The following ANKRD30B variants were observed in gnomAD, a reference collection of about 807,000 sequenced individuals.
ANKRD30B encodes the protein ankyrin repeat domain 30B.
Under a neutral mutation model 202.2 loss-of-function variants are expected in ANKRD30B, and 144 were observed. The observed-to-expected ratio is 0.71, with a 90% confidence interval of 0.62 to 0.82. The LOEUF (loss-of-function observed/expected upper bound fraction) is 0.82. Ranked by LOEUF, ANKRD30B falls within the 40% of genes least tolerant of loss-of-function variation. The pLI is 0.00. For synonymous variants in ANKRD30B, 508 were observed against 561.3 expected (o/e 0.91, Z 1.34); for missense variants, 1,487 against 1,669.1 (o/e 0.89, Z 1.90).
rs771310688 is a variant in ANKRD30B at position 14,822,525 on chromosome 18, T to A, written c.2670+14T>A. On this transcript the variant is annotated intron_variant, in intron 31 of 43. Transcript: ENST00000690538. ...GGTCTTCTGAAGGTAATAACTTTTA[T>A]ATTTTTATCTTGAATATTAACTACT... 5 of 1,298,690 alleles carry A rather than the reference T, an allele frequency of 3.9e-6. No homozygotes were observed. In the African/African-American group the frequency reaches 5.8e-5, roughly 15 times the overall value. 80.4% of individuals were successfully genotyped at this position (1,298,690 alleles called of 1,614,324 possible).
At chr18:14,898,948 A>T in the ANKRD30B span, among the ~76,000 whole-genome samples, 1 of 152,134 alleles carries the variant, frequency 6.6e-6, no homozygotes, top group African/African-American at 2.4e-5. Context: ...TATTTACTTA[A>T]AATAAGTATC....
At chr18:14,892,742 C>CAAAAA in the ANKRD30B span, among the ~76,000 whole-genome samples, 41 of 72,902 alleles carry the variant, frequency 5.6e-4, 2 homozygotes, top group South Asian at 7.2e-4. Context: ...TCTGTTTCAC[C>CAAAAA]AAAAAAAAAA....
chr18:14,773,413 A>G (rs1409516386), intron 9 of ANKRD30B, among the ~76,000 whole-genome samples: 5 of 152,196 alleles, frequency 3.3e-5, no homozygotes, highest in Non-Finnish European at 5.9e-5. Flanking sequence ...GAATTTTTAT[A>G]TAATGGAATA....
chr18:14,786,837 G>A (rs1447994265), intron 14 of ANKRD30B, among the ~76,000 whole-genome samples: 1 of 152,136 alleles, frequency 6.6e-6, no homozygotes, highest in Non-Finnish European at 1.5e-5. Flanking sequence ...TCATTCTAAT[G>A]AAATAATGTT....
At chr18:14,826,673 T>TCTC (rs1568052683) in intron 32 of ANKRD30B, among the ~76,000 whole-genome samples, 1 of 120,048 alleles carries the variant, frequency 8.3e-6, no homozygotes, top group Non-Finnish European at 1.7e-5. Flanking sequence ...TCTCTCTCTC[T>TCTC]CCCCCTCTCT....
At chr18:14,751,943 G>A (rs1021346630) in intron 1 of ANKRD30B, among the ~76,000 whole-genome samples, 1 of 151,996 alleles carries the variant, frequency 6.6e-6, no homozygotes, top group Non-Finnish European at 1.5e-5. Flanking sequence ...TTAAATTTCT[G>A]CCAAATATAG....
At chr18:14,821,278 C>T (rs139456271) in intron 30 of ANKRD30B, among the ~76,000 whole-genome samples, 12,557 of 151,760 alleles carry the variant, frequency 0.083, 722 homozygotes, top group Non-Finnish European at 0.12. Context: ...GTCTTGCTAG[C>T]GGTCTATCAA....
chr18:14,920,674 G>C, the ANKRD30B span, among the ~76,000 whole-genome samples: 1 of 152,184 alleles, frequency 6.6e-6, no homozygotes, highest in Non-Finnish European at 1.5e-5. Flanking sequence ...CTGATCCTAA[G>C]ACATTCTCCA....
At chr18:14,810,261 G>A (rs1969837530) in intron 28 of ANKRD30B, 81 bp downstream of exon 28, 1 of 937,008 alleles carries the variant, frequency 1.1e-6, no homozygotes, top group Non-Finnish European at 1.5e-6. Flanking sequence ...TATTCCCAAA[G>A]TTGTTTTCTT....
intron 30 of ANKRD30B, among the ~76,000 whole-genome samples, chr18:14,819,684 G>A (rs1212505315): frequency 1.1e-4 from 16 of 151,810 alleles, no homozygotes; most frequent in East Asian, 5.8e-4. Context: ...GATATGTGGC[G>A]TTATTTCTGA....
the ANKRD30B span, among the ~76,000 whole-genome samples, chr18:14,930,273 T>C: frequency 6.6e-6 from 1 of 150,980 alleles, no homozygotes; most frequent in East Asian, 2.0e-4. Flanking sequence ...GGATTGTCAG[T>C]GAGGCCTTCC....
At chr18:14,827,489 G>T (rs1047448769) in intron 32 of ANKRD30B, among the ~76,000 whole-genome samples, 3 of 152,150 alleles carry the variant, frequency 2.0e-5, no homozygotes, top group African/African-American at 7.2e-5. Flanking sequence ...GATAGACAGG[G>T]TTGGAATTAA....
intron 15 of ANKRD30B, among the ~76,000 whole-genome samples, chr18:14,788,659 GT>G (rs201042057): frequency 0.016 from 2,355 of 150,964 alleles, 26 homozygotes; most frequent in Non-Finnish European, 0.026. Flanking sequence ...GTTTTTTGTT[GT>G]TGCAATAGTT....
rs1458155725 is a variant in ANKRD30B at position 14,763,936 on chromosome 18, A to G, written c.1071A>G (p.Arg357=). 6.2e-7 allele frequency: 1 copy of G among 1,609,740 alleles called. No individual in the cohort carries two copies. The highest frequency in any genetic ancestry group is 8.5e-7 in the Non-Finnish European group (1 of 1,177,744). ...AATTTTCATGGCCAGCAAAAGAAAG[A>G]TCTAGGAAGATCACATGGGAGGAAA... ...SEKFSWPAKE[R]SRKITWEEKE... The change falls in exon 7 of 44, where the codon AGA becomes AGG. Residue 357 remains arginine, a synonymous_variant. Transcript: ENST00000690538.
At chr18:14,796,131 G>T (rs1968870742) in intron 16 of ANKRD30B, 90 bp from the exon 17 acceptor site, 4 of 1,326,002 alleles carry the variant, frequency 3.0e-6, no homozygotes, top group Non-Finnish European at 3.3e-6. Context: ...CCAAGCATGA[G>T]GATTCATCTT....
the ANKRD30B span, among the ~76,000 whole-genome samples, chr18:14,894,182 T>C: frequency 6.6e-6 from 1 of 152,222 alleles, no homozygotes; most frequent in Non-Finnish European, 1.5e-5. Context: ...AACTTTTTTT[T>C]CTGTTTATTA....
At position 14,799,276 on chromosome 18, in the gene ANKRD30B, CAG is replaced by C; in HGVS notation, c.2116_2117del (p.Glu706AsnfsTer17). The C allele has an allele frequency of 6.5e-7, 1 of 1,542,878 alleles. No individual in the cohort carries two copies. Among genetic ancestry groups the C allele is most frequent in the Non-Finnish European group, 8.7e-7 (1 of 1,146,278 alleles). On this transcript the variant is annotated frameshift_variant, in exon 22 of 44. Coordinates refer to ENST00000690538, the MANE Select transcript of ANKRD30B (RefSeq NM_001367607.2). LOFTEE classifies it high-confidence loss of function. ...LPNKALELKD[R>X]ETFKAAQMFP... Reference sequence around the variant, plus strand: ...CAAATAAAGCTTTAGAATTGAAGGACAGAGAAACATTCAAAGCAGGTAAATTT... The same window carrying C: ...CAAATAAAGCTTTAGAATTGAAGGACAGAAACATTCAAAGCAGGTAAATTT...
Position 14,748,491 on chromosome 18 carries a change from G to T in ANKRD30B, c.72G>T (p.Arg24=). ...AGCCCCCGAACCCCTTCAGCGAACGGGTCTACACTGAGAAGGACTACGGGA... is the reference window on the plus strand; with the variant it reads ...AGCCCCCGAACCCCTTCAGCGAACGTGTCTACACTGAGAAGGACTACGGGA... ...GPEPPNPFSE[R]VYTEKDYGTI... Residue 24 remains arginine, a synonymous_variant, in exon 1 of 44, where the codon CGG becomes CGT. Transcript: ENST00000690538. The T allele has an allele frequency of 6.4e-7, 1 of 1,551,268 alleles. No individual in the cohort carries two copies.
the ANKRD30B span, among the ~76,000 whole-genome samples, chr18:14,882,230 T>C: frequency 6.6e-6 from 1 of 152,318 alleles, no homozygotes; most frequent in South Asian, 2.1e-4. Flanking sequence ...CTTTCAGACT[T>C]TTTGACATCA....
Sources: allele counts gnomAD v4.1 joint callset (sites outside exome capture counted in the v4.1 genomes callset), GRCh38; gene constraint gnomAD v4.1.1; transcripts MANE v1.5; gene names NCBI Gene and HGNC (gene_info 2026-07-23, HGNC 2026-07-21).